The following NR6A1 variants were observed in gnomAD, a reference collection of about 807,000 sequenced individuals.
NR6A1 encodes nuclear receptor subfamily 6 group A member 1.
Under a neutral mutation model 59.1 loss-of-function variants are expected in NR6A1, and 7 were observed. That is an observed-to-expected ratio of 0.12 (90% confidence interval 0.07 to 0.22). NR6A1 has a LOEUF of 0.22. NR6A1 is among the 10% of genes least tolerant of loss of function. The pLI is 1.00. For synonymous variants in NR6A1, 243 were observed against 236.1 expected (o/e 1.03, Z -0.27); for missense variants, 468 against 611.6 (o/e 0.77, Z 2.48).
intron 2 of NR6A1, among the ~76,000 whole-genome samples, chr9:124,725,557 G>C (rs78523461): frequency 0.01 from 1,572 of 152,288 alleles, 26 homozygotes; most frequent in African/African-American, 0.036. Context: ...AAATAAGGGA[G>C]TGTGAGCAGG....
At chr9:124,683,026 TGAGACCCTATCTC>T (rs1838217177) in intron 2 of NR6A1, among the ~76,000 whole-genome samples, 1 of 151,890 alleles carries the variant, frequency 6.6e-6, no homozygotes, top group South Asian at 2.1e-4. Flanking sequence ...GGCAACACAA[TGAGACCCTATCTC>T]TGCAAAAAAT....
Position 124,568,111 on chromosome 9 carries a change from T to C in NR6A1, c.143-13541A>G, listed in dbSNP as rs574555739. On this transcript the variant is annotated intron_variant, in intron 2 of 9. Coordinates refer to ENST00000487099, the MANE Select transcript of NR6A1 (RefSeq NM_033334.4). ...ATCCCTTGAACTTGGAAGGTGGAGG[T>C]TGCAGTGAGCTGAGATGGCGCCACT... Among the ~76,000 whole-genome samples the C allele has an allele frequency of 3.8e-5, 5 of 130,388 alleles. No individual in the cohort carries two copies. In the South Asian group the frequency reaches 7.6e-4, roughly 20 times the overall value. 85.5% of individuals were successfully genotyped at this position (130,388 alleles called of 152,430 possible).
intron 2 of NR6A1, among the ~76,000 whole-genome samples, chr9:124,702,444 AATTCAGTT>A (rs1022117587): frequency 2.6e-5 from 4 of 152,152 alleles, no homozygotes; most frequent in African/African-American, 9.7e-5. Flanking sequence ...CTGAATTCTC[AATTCAGTT>A]CCAGTGCCTA....
At chr9:124,554,893 G>A (rs1362207384) in intron 2 of NR6A1, among the ~76,000 whole-genome samples, 2 of 152,182 alleles carry the variant, frequency 1.3e-5, no homozygotes, top group African/African-American at 2.4e-5. Context: ...CTACCCTGTA[G>A]GAGCACGGTA....
chr9:124,543,759 G>C (rs1274694534), intron 4 of NR6A1, 43 bp downstream of exon 4: 1 of 1,519,650 alleles, frequency 6.6e-7, no homozygotes, highest in East Asian at 2.4e-5. Flanking sequence ...CTGGAGCCCT[G>C]GGCTTCCAGG....
chr9:124,731,363 C>G (rs1052528951), intron 2 of NR6A1, among the ~76,000 whole-genome samples: 1 of 149,890 alleles, frequency 6.7e-6, no homozygotes, highest in African/African-American at 2.5e-5. Context: ...GAGCGAAACT[C>G]CATCTCGAAA....
chr9:124,565,459 A>T (rs186812103), intron 2 of NR6A1, among the ~76,000 whole-genome samples: 66 of 119,712 alleles, frequency 5.5e-4, no homozygotes, highest in African/African-American at 2.1e-3. Context: ...AAAAACAATT[A>T]AAAAAAAAGT....
At chr9:124,636,876 CA>C (rs1200849871) in intron 2 of NR6A1, among the ~76,000 whole-genome samples, 1 of 152,082 alleles carries the variant, frequency 6.6e-6, no homozygotes, top group Non-Finnish European at 1.5e-5. Flanking sequence ...TCCATATGTA[CA>C]ACTCAAATTG....
chr9:124,564,531 C>T (rs1381601488), intron 2 of NR6A1, among the ~76,000 whole-genome samples: 6 of 152,106 alleles, frequency 3.9e-5, no homozygotes, highest in Non-Finnish European at 8.8e-5. Flanking sequence ...TATGGAGAAA[C>T]TGTAATATAC....
At chr9:124,692,991 T>C (rs1276409256) in intron 2 of NR6A1, among the ~76,000 whole-genome samples, 2 of 152,252 alleles carry the variant, frequency 1.3e-5, no homozygotes, top group Non-Finnish European at 2.9e-5. Context: ...TGACAGTTCT[T>C]ATCACATTTC....
intron 3 of NR6A1, among the ~76,000 whole-genome samples, chr9:124,544,701 C>T (rs1271628226): frequency 1.3e-5 from 2 of 152,084 alleles, no homozygotes; most frequent in East Asian, 1.9e-4. Flanking sequence ...CTTAATCTGG[C>T]TAAAGCATAG....
chr9:124,589,956 T>C (rs187570647), intron 2 of NR6A1, among the ~76,000 whole-genome samples: 21 of 145,768 alleles, frequency 1.4e-4, no homozygotes, highest in Middle Eastern at 3.9e-3. Flanking sequence ...TCCCAGCTAC[T>C]CAGGAGATTG....
At chr9:124,727,798 C>T (rs7028585) in intron 2 of NR6A1, among the ~76,000 whole-genome samples, 5,619 of 151,920 alleles carry the variant, frequency 0.037, 329 homozygotes, top group African/African-American at 0.13. Context: ...GATTCTCCTG[C>T]CTCAGCCTCC....
intron 2 of NR6A1, among the ~76,000 whole-genome samples, chr9:124,640,888 C>T (rs1176988593): frequency 1.3e-5 from 2 of 152,058 alleles, no homozygotes; most frequent in African/African-American, 4.8e-5. Context: ...GGCTTGATTA[C>T]CCTTTTGCCT....
rs866417667 is a variant in NR6A1 at position 124,739,915 on chromosome 9, T to C, written c.101-6566A>G. Among the ~76,000 whole-genome samples the C allele has an allele frequency of 3.3e-5, 5 of 152,372 alleles. 1 individual carries two copies. The South Asian group carries it at 1.0e-3, about 32-fold the overall frequency. ...GAGACATGGACTCTGGTTAACGTTCTGCTAGTTACTCAGTCTCTTTTGAAG... is the reference window on the plus strand; with the variant it reads ...GAGACATGGACTCTGGTTAACGTTCCGCTAGTTACTCAGTCTCTTTTGAAG... On this transcript the variant is annotated intron_variant, in intron 1 of 9. Coordinates refer to ENST00000487099, the MANE Select transcript of NR6A1 (RefSeq NM_033334.4).
At chr9:124,623,255 G>A (rs1016998559) in intron 2 of NR6A1, among the ~76,000 whole-genome samples, 2 of 152,066 alleles carry the variant, frequency 1.3e-5, no homozygotes, top group South Asian at 2.1e-4. Flanking sequence ...AAAGAGTTTG[G>A]GGGAAAGGAG....
At chr9:124,750,305 C>T (rs1840458653) in intron 1 of NR6A1, among the ~76,000 whole-genome samples, 1 of 152,212 alleles carries the variant, frequency 6.6e-6, no homozygotes, top group South Asian at 2.1e-4. Flanking sequence ...TTCCATGTCA[C>T]ATGCCCAGGG....
At chr9:124,750,902 T>C (rs796698699) in intron 1 of NR6A1, among the ~76,000 whole-genome samples, 23 of 152,282 alleles carry the variant, frequency 1.5e-4, no homozygotes, top group African/African-American at 5.1e-4. Flanking sequence ...GCATCTACCA[T>C]TAAAACACAG....
intron 2 of NR6A1, among the ~76,000 whole-genome samples, chr9:124,721,976 T>C (rs769544225): frequency 5.9e-5 from 9 of 152,234 alleles, no homozygotes; most frequent in Non-Finnish European, 1.2e-4. Context: ...TTGTATCTTT[T>C]TAAACAAATC....
Sources: gnomAD v4.1 joint callset for allele counts (sites outside exome capture counted in the v4.1 genomes callset) on GRCh38, gnomAD v4.1.1 for gene constraint, MANE v1.5 for transcripts, NCBI Gene and HGNC (gene_info 2026-07-23, HGNC 2026-07-21) for gene names.